The following GPHN variants were observed in gnomAD, a reference collection of about 807,000 sequenced individuals.
GPHN encodes gephyrin.
In GPHN, 17 loss-of-function variants were observed where a neutral mutation model predicts 95.5. That is an observed-to-expected ratio of 0.18 (90% CI 0.12 to 0.27). The LOEUF (loss-of-function observed/expected upper bound fraction) is 0.27. Ranked by LOEUF, GPHN falls within the 10% of genes least tolerant of loss-of-function variation. GPHN has a pLI of 1.00. For synonymous variants in GPHN, 320 were observed against 322.5 expected (o/e 0.99, Z 0.08); for missense variants, 660 against 978.1 (o/e 0.67, Z 4.34).
At chr14:67,542,747 C>A in the GPHN span, among the ~76,000 whole-genome samples, 1,231 of 152,200 alleles carry the variant, frequency 8.1e-3, 19 homozygotes, top group African/African-American at 0.028. Context: ...GTTGCCCAGG[C>A]TGGAGTGCAA....
chr14:66,809,595 A>T (rs2060681695), intron 3 of GPHN, among the ~76,000 whole-genome samples: 1 of 152,188 alleles, frequency 6.6e-6, no homozygotes, highest in South Asian at 2.1e-4. Flanking sequence ...TGGGGGAATA[A>T]CGACTATTAG....
At chr14:67,190,622 GC>G in the GPHN span, among the ~76,000 whole-genome samples, 1 of 152,256 alleles carries the variant, frequency 6.6e-6, no homozygotes, top group East Asian at 1.9e-4. Flanking sequence ...GGGGGAAACA[GC>G]CCTTTTTAAT....
At chr14:67,246,618 G>T in the GPHN span, among the ~76,000 whole-genome samples, 1 of 151,020 alleles carries the variant, frequency 6.6e-6, no homozygotes, top group Admixed American at 6.6e-5. Context: ...TAGGATTACA[G>T]GTGTTAGCCA....
intron 3 of GPHN, among the ~76,000 whole-genome samples, chr14:66,818,159 A>G (rs559383628): frequency 1.3e-5 from 2 of 152,246 alleles, no homozygotes; most frequent in South Asian, 2.1e-4. Context: ...GGTTTTTTAC[A>G]TAGGTAAACA....
chr14:66,678,328 A>G (rs981510893), intron 1 of GPHN, among the ~76,000 whole-genome samples: 9 of 151,582 alleles, frequency 5.9e-5, no homozygotes, highest in African/African-American at 1.9e-4. Context: ...ACCTATCTTC[A>G]AGTACTAAAA....
At chr14:66,697,658 C>A (rs982921173) in intron 2 of GPHN, among the ~76,000 whole-genome samples, 2 of 144,574 alleles carry the variant, frequency 1.4e-5, no homozygotes, top group African/African-American at 2.5e-5. Flanking sequence ...TGGCCTGCTA[C>A]TTGCCTTTTT....
chr14:67,209,144 CAAAAATATTTATGAGCACTTCCTATG>C, the GPHN span, among the ~76,000 whole-genome samples: 1 of 152,134 alleles, frequency 6.6e-6, no homozygotes. Flanking sequence ...GTGATTCACT[CAAAAATATTTATGAGCACTTCCTATG>C]CACTAGGCAT....
intron 8 of GPHN, among the ~76,000 whole-genome samples, chr14:66,932,466 T>TTTTTG (rs2066873767): frequency 1.5e-5 from 2 of 134,338 alleles, no homozygotes; most frequent in Non-Finnish European, 3.2e-5. Flanking sequence ...TTTTTTTTTT[T>TTTTTG]TTTTTTTTTT....
the GPHN span, chr14:67,728,226 TAGA>T: frequency 2.0e-5 from 3 of 152,312 alleles, no homozygotes; most frequent in Admixed American, 6.5e-5. Context: ...ATGCCTACAG[TAGA>T]AGAAGACGGT....
chr14:66,686,149 G>T lies in GPHN; in HGVS notation c.143+4964G>T, dbSNP rs1029796679. On this transcript the variant is annotated intron_variant, in intron 2 of 22. Transcript: ENST00000478722. ...GTACCATGCTGGTTTGGTTACTGTA[G>T]CCTTGTAGTATAGTTTGAAGTCAGG... Among the ~76,000 whole-genome samples, 47 of 152,268 alleles carry T rather than the reference G, an allele frequency of 3.1e-4. 1 individual carries two copies. The highest frequency in any genetic ancestry group is 1.7e-3 in the Admixed American group (26 of 15,298).
At chr14:67,537,346 A>AAATAGTAAT in the GPHN span, among the ~76,000 whole-genome samples, 3 of 126,602 alleles carry the variant, frequency 2.4e-5, no homozygotes, top group Admixed American at 2.4e-4. Context: ...TCCATCTCAA[A>AAATAGTAAT]AATAATAATA....
At chr14:67,659,246 C>T in the GPHN span, among the ~76,000 whole-genome samples, 1 of 152,144 alleles carries the variant, frequency 6.6e-6, no homozygotes, top group Non-Finnish European at 1.5e-5. Context: ...ATCTCAGTTG[C>T]TGGGCCATCT....
At chr14:67,441,279 A>G in the GPHN span, among the ~76,000 whole-genome samples, 1 of 152,162 alleles carries the variant, frequency 6.6e-6, no homozygotes, top group African/African-American at 2.4e-5. Context: ...CTGGGGGCTC[A>G]GCATAGGCCA....
At chr14:67,726,082 T>C in the GPHN span, 3 of 1,614,042 alleles carry the variant, frequency 1.9e-6, no homozygotes, top group Middle Eastern at 3.3e-4. Flanking sequence ...TGATCAACAA[T>C]GCGGGAGTAA....
At chr14:66,660,177 CA>C (rs1282372189) in intron 1 of GPHN, among the ~76,000 whole-genome samples, 1 of 151,882 alleles carries the variant, frequency 6.6e-6, no homozygotes, top group Non-Finnish European at 1.5e-5. Context: ...ATTTATATCT[CA>C]TTACCCTCTC....
chr14:67,397,485 G>A, the GPHN span, among the ~76,000 whole-genome samples: 1 of 152,226 alleles, frequency 6.6e-6, no homozygotes, highest in African/African-American at 2.4e-5. Context: ...GGCTCAGAGA[G>A]GTTTAGCTAC....
At chr14:67,379,297 C>T in the GPHN span, among the ~76,000 whole-genome samples, 1 of 152,290 alleles carries the variant, frequency 6.6e-6, no homozygotes, top group East Asian at 1.9e-4. Flanking sequence ...ATCCTTGCCA[C>T]AATTTGGTAT....
chr14:67,720,145 G>A, the GPHN span, among the ~76,000 whole-genome samples: 1 of 152,318 alleles, frequency 6.6e-6, no homozygotes, highest in East Asian at 1.9e-4. Flanking sequence ...GTGGCTCCCA[G>A]TATAATTTTA....
intron 10 of GPHN, among the ~76,000 whole-genome samples, chr14:67,037,118 G>A (rs2074459455): frequency 6.6e-6 from 1 of 151,942 alleles, no homozygotes; most frequent in Admixed American, 6.6e-5. Context: ...ATAGAGCCCA[G>A]AAATACATGT....
Sources: allele counts gnomAD v4.1 joint callset (sites outside exome capture counted in the v4.1 genomes callset), GRCh38; gene constraint gnomAD v4.1.1; transcripts MANE v1.5; gene names NCBI Gene and HGNC (gene_info 2026-07-23, HGNC 2026-07-21).